The following NRG2 variants were observed in gnomAD, a reference collection of about 807,000 sequenced individuals.
NRG2 encodes neuregulin 2, also known as pro-neuregulin-2, membrane-bound isoform.
Under a neutral mutation model 73.9 loss-of-function variants are expected in NRG2, and 27 were observed. That is an observed-to-expected ratio of 0.37 (90% CI 0.27 to 0.50). The LOEUF is 0.50. Among genes scored for constraint, NRG2 ranks in the 20% least tolerant of loss-of-function variants. The pLI, the probability that NRG2 is intolerant of heterozygous loss-of-function variation, is 0.96. For missense variants in NRG2, 1,126 were observed against 1,210.1 expected, an observed-to-expected ratio of 0.93 and a Z score of 1.03; for synonymous variants, 532 against 541.0, an observed-to-expected ratio of 0.98 and a Z score of 0.23.
At position 140,042,838 on chromosome 5, in the gene NRG2, C is replaced by G; in HGVS notation, c.232G>C (p.Ala78Pro). The change falls in exon 1 of 10, where the codon GCC becomes CCC. Residue 78 changes from alanine to proline, a missense_variant. Ala to Pro is a conservative substitution (Grantham distance 27). Around this residue, in one of 3 missense-constraint regions of NRG2, gnomAD observed 185 missense variants for 149.0 expected, o/e 1.24. Transcript: ENST00000361474. Reference protein sequence around the residue: ...QQQPQPRSPAARRAAARSRAA... With the variant: ...QQQPQPRSPAPRRAAARSRAA... ...CGCGAACGGGCGGCGGCTCTCCGGG[C>G]TGCGGGGCTGCGGGGCTGCGGCTGT... The G allele has an allele frequency of 6.8e-7, 1 of 1,472,064 alleles. No individual in the cohort carries two copies. Among genetic ancestry groups the G allele is most frequent in the Non-Finnish European group, 9.0e-7 (1 of 1,115,228 alleles). 91.2% of individuals were successfully genotyped at this position (1,472,064 alleles called of 1,614,324 possible). A position where few individuals can be genotyped will look rare whatever the true frequency, so the allele number is the denominator to read the frequency against.
At chr5:140,002,236 A>G (rs997132676) in intron 1 of NRG2, among the ~76,000 whole-genome samples, 4 of 152,230 alleles carry the variant, frequency 2.6e-5, no homozygotes, top group Admixed American at 2.6e-4. Context: ...GGGGAAAAAA[A>G]GACAAAATTT....
intron 1 of NRG2, among the ~76,000 whole-genome samples, chr5:139,965,998 T>G (rs1755486617): frequency 6.6e-6 from 1 of 152,196 alleles, no homozygotes; most frequent in Non-Finnish European, 1.5e-5. Context: ...ATTTGCTTAC[T>G]TATTATTTGT....
chr5:139,878,494 A>C (rs1763325158), intron 3 of NRG2, among the ~76,000 whole-genome samples: 1 of 152,120 alleles, frequency 6.6e-6, no homozygotes, highest in African/African-American at 2.4e-5. Flanking sequence ...CCCATTTTAC[A>C]GTAGGAAAGA....
intron 1 of NRG2, among the ~76,000 whole-genome samples, chr5:139,909,777 C>T (rs916418837): frequency 6.6e-6 from 1 of 152,226 alleles, no homozygotes; most frequent in Non-Finnish European, 1.5e-5. Flanking sequence ...CCCCACATGA[C>T]TCTAGGATGC....
At chr5:139,890,425 G>C (rs1389484824) in intron 1 of NRG2, among the ~76,000 whole-genome samples, 3 of 148,666 alleles carry the variant, frequency 2.0e-5, no homozygotes, top group Non-Finnish European at 4.5e-5. Flanking sequence ...TTATATTGCT[G>C]GTTCTTCTTC....
At chr5:139,896,508 C>A (rs2127155815) in intron 1 of NRG2, among the ~76,000 whole-genome samples, 1 of 152,208 alleles carries the variant, frequency 6.6e-6, no homozygotes, top group Non-Finnish European at 1.5e-5. Flanking sequence ...GTGGTCCTGG[C>A]TAGTGAGGGC....
chr5:140,026,120 A>G (rs1760668661), intron 1 of NRG2, among the ~76,000 whole-genome samples: 1 of 152,270 alleles, frequency 6.6e-6, no homozygotes, highest in Admixed American at 6.5e-5. Flanking sequence ...AATGAGCAAA[A>G]GCACTAAAGG....
intron 1 of NRG2, among the ~76,000 whole-genome samples, chr5:139,942,955 C>T (rs1011519912): frequency 6.6e-6 from 1 of 152,218 alleles, no homozygotes; most frequent in African/African-American, 2.4e-5. Context: ...ATTCTCCCAC[C>T]TCAGACTACT....
intron 4 of NRG2, 109 bp downstream of exon 4, chr5:139,871,612 G>A (rs1762853451): frequency 7.0e-7 from 1 of 1,427,378 alleles, no homozygotes; most frequent in Non-Finnish European, 9.6e-7. Flanking sequence ...CACCCCTTGG[G>A]GACCTCTTGT....
intron 1 of NRG2, among the ~76,000 whole-genome samples, chr5:139,914,146 C>T (rs989482526): frequency 6.6e-6 from 1 of 152,022 alleles, no homozygotes; most frequent in African/African-American, 2.4e-5. Flanking sequence ...GGTGACAGAC[C>T]CTGTCTCAGA....
At chr5:139,878,109 C>T (rs1763297460) in intron 3 of NRG2, among the ~76,000 whole-genome samples, 1 of 152,268 alleles carries the variant, frequency 6.6e-6, no homozygotes, top group African/African-American at 2.4e-5. Flanking sequence ...AAGCCCTGTG[C>T]AAGAGAGAGG....
At chr5:139,985,885 C>G (rs1203695625) in intron 1 of NRG2, among the ~76,000 whole-genome samples, 1 of 152,114 alleles carries the variant, frequency 6.6e-6, no homozygotes, top group Non-Finnish European at 1.5e-5. Context: ...CAATGACCCA[C>G]TGGGAGGAGA....
At chr5:139,920,849 C>T (rs761166613) in intron 1 of NRG2, among the ~76,000 whole-genome samples, 69 of 152,348 alleles carry the variant, frequency 4.5e-4, no homozygotes, top group Non-Finnish European at 8.5e-4. Flanking sequence ...TAACTACCAT[C>T]TTCTGAGGAG....
chr5:139,981,137 T>C (rs1756767853), intron 1 of NRG2, among the ~76,000 whole-genome samples: 1 of 152,208 alleles, frequency 6.6e-6, no homozygotes, highest in South Asian at 2.1e-4. Context: ...CTGGGCTTGC[T>C]GTACACGCTC....
rs186489196 is a variant in NRG2 at position 140,037,762 on chromosome 5, A to G, written c.700+4608T>C. ...GTCTCTACTAAAAATACAAAAATTA[A>G]TCGGGCGCGGTGGCGGGTGCCTGTA... On this transcript the variant is annotated intron_variant, in intron 1 of 9. Coordinates refer to ENST00000361474, the MANE Select transcript of NRG2 (RefSeq NM_004883.3). Among the ~76,000 whole-genome samples, 916 of 151,574 alleles carry G rather than the reference A, an allele frequency of 6.0e-3. 12 individuals are homozygous for G. Among genetic ancestry groups the G allele is most frequent in the African/African-American group, 0.021 (877 of 41,280 alleles).
intron 1 of NRG2, among the ~76,000 whole-genome samples, chr5:139,955,978 T>A (rs1011613736): frequency 2.0e-5 from 3 of 152,130 alleles, no homozygotes; most frequent in African/African-American, 7.2e-5. Flanking sequence ...CACATGAGAA[T>A]GTAGGTGAAA....
At chr5:139,946,061 G>A (rs1580791532) in intron 1 of NRG2, among the ~76,000 whole-genome samples, 1 of 152,018 alleles carries the variant, frequency 6.6e-6, no homozygotes, top group African/African-American at 2.4e-5. Context: ...TACAGATTCA[G>A]TGCCATCCCA....
intron 1 of NRG2, among the ~76,000 whole-genome samples, chr5:139,985,335 G>A (rs1757094562): frequency 6.8e-6 from 1 of 147,550 alleles, no homozygotes; most frequent in Non-Finnish European, 1.5e-5. Context: ...GCAAGACTCG[G>A]TCTCAAAAAA....
chr5:139,848,166 G>A lies in NRG2; in HGVS notation c.2304C>T (p.Gly768=), dbSNP rs1041364945. 128 of 1,431,730 alleles carry A rather than the reference G, an allele frequency of 8.9e-5. No homozygotes were observed. In the African/African-American group the frequency reaches 1.7e-3, roughly 19 times the overall value. 88.7% of individuals were successfully genotyped at this position (1,431,730 alleles called of 1,614,324 possible). A position where few individuals can be genotyped will look rare whatever the true frequency, so the allele number is the denominator to read the frequency against. Residue 768 remains glycine (G), a synonymous_variant, in exon 10 of 10, where the codon GGC becomes GGT. Coordinates refer to ENST00000361474, the MANE Select transcript of NRG2 (RefSeq NM_004883.3). ...AARDSLSLSS[G]SGGGSASASD... is the part of the protein sequence containing the mutation. ...ACGCCGAGGCTGAGCCGCCGCCCGA[G>A]CCGCTGCTCAGCGACAGCGAGTCCC...
Sources: allele counts gnomAD v4.1 joint callset (sites outside exome capture counted in the v4.1 genomes callset), GRCh38; gene constraint gnomAD v4.1.1; regional missense constraint gnomAD v4.1.1; transcripts MANE v1.5; gene names NCBI Gene and HGNC (gene_info 2026-07-23, HGNC 2026-07-21).